The following PAQR3 variants were observed in gnomAD, a reference collection of about 807,000 sequenced individuals.
PAQR3 encodes the protein Raf kinase trapping to Golgi.
A neutral mutation model predicts 41.7 loss-of-function variants in PAQR3; 39 were observed. The ratio of observed to expected loss-of-function variants is 0.93; its 90% CI spans 0.72 to 1.22. PAQR3 has a LOEUF of 1.22. Ranked by LOEUF, PAQR3 falls within the 50% of genes most tolerant of loss-of-function variation. The pLI, the probability that PAQR3 is intolerant of heterozygous loss-of-function variation, is 0.00. For synonymous variants in PAQR3, 140 were observed against 140.6 expected, an observed-to-expected ratio of 1.00 and a Z score of 0.03; for missense variants, 366 against 385.6, an observed-to-expected ratio of 0.95 and a Z score of 0.42.
intron 11 of PAQR3, among the ~76,000 whole-genome samples, chr4:78,896,535 T>C (rs556854712): frequency 2.0e-5 from 3 of 152,174 alleles, no homozygotes; most frequent in African/African-American, 7.2e-5. Flanking sequence ...AAGAAAAATA[T>C]ATGTGAAGCA....
chr4:78,895,850 C>T (rs1733673511), intron 11 of PAQR3, among the ~76,000 whole-genome samples: 1 of 151,384 alleles, frequency 6.6e-6, no homozygotes, highest in African/African-American at 2.5e-5. Flanking sequence ...CAACCTTGAA[C>T]TCCTGAGCTC....
In PAQR3 at chr4:78,897,467, TTAAC is replaced by T. The variant is rs770063503; in HGVS notation, c.*836+8637_*836+8640del. 4.9e-4 allele frequency among the ~76,000 whole-genome samples: 75 copies of T among 152,234 alleles called. 1 individual carries two copies. Among genetic ancestry groups the T allele is most frequent in the Admixed American group, 7.9e-4 (12 of 15,284 alleles). ...TGAATTAAAAATTTATAATGAAAAA[TTAAC>T]TATATCATAAAACTTTGAATAATAT... On this transcript the variant is annotated intron_variant and NMD_transcript_variant, in intron 11 of 12. Coordinates refer to the PAQR3 transcript ENST00000342820.
At chr4:78,926,822 G>A (rs930732190) in intron 3 of PAQR3, 104 bp from the exon 4 acceptor site, 10 of 950,658 alleles carry the variant, frequency 1.1e-5, no homozygotes, top group African/African-American at 6.6e-5. Flanking sequence ...TATTTACTTG[G>A]TATTTGCATT....
downstream of PAQR3, chr4:78,887,083 T>C (rs969060974): frequency 1.1e-6 from 1 of 913,154 alleles, no homozygotes; most frequent in Admixed American, 2.6e-5. Context: ...TGCTTTAATT[T>C]TCACTTTTAT....
At chr4:78,887,534 T>C (rs1456074657) in intron 12 of PAQR3, among the ~76,000 whole-genome samples, 1 of 152,192 alleles carries the variant, frequency 6.6e-6, no homozygotes, top group Non-Finnish European at 1.5e-5. Flanking sequence ...TCATCTTTAT[T>C]ATTGGATACT....
At chr4:78,937,992 G>A (rs900397104) in intron 1 of PAQR3, among the ~76,000 whole-genome samples, 1 of 152,194 alleles carries the variant, frequency 6.6e-6, no homozygotes, top group Non-Finnish European at 1.5e-5. Flanking sequence ...AATCCTAAGG[G>A]CCATCCATTC....
chr4:78,933,243 T>C (rs575036077), intron 2 of PAQR3: 33 of 456,240 alleles, frequency 7.2e-5, no homozygotes, highest in Admixed American at 3.5e-4. Flanking sequence ...TGGATGTATA[T>C]AGGACACATT....
At chr4:78,932,667 T>C (rs567611350) in intron 2 of PAQR3, among the ~76,000 whole-genome samples, 2 of 152,082 alleles carry the variant, frequency 1.3e-5, no homozygotes, top group Admixed American at 6.5e-5. Context: ...TATCTTGTAG[T>C]AATAATTAGA....
chr4:78,931,003 T>C (rs62308010), intron 2 of PAQR3, among the ~76,000 whole-genome samples: 10,251 of 151,718 alleles, frequency 0.068, 461 homozygotes, highest in East Asian at 0.22. Flanking sequence ...ATGAGATTCA[T>C]TGTATAGAGT....
At position 78,935,169 on chromosome 4, in the gene PAQR3, C is replaced by A. The variant is rs190190715; in HGVS notation, c.300G>T (p.Ala100=). 6.2e-7 allele frequency: 1 copy of A among 1,613,632 alleles called. No individual in the cohort carries two copies. The highest frequency in any genetic ancestry group is 1.3e-5 in the African/African-American group (1 of 74,910). ...DMTSVLPSAS[A]SREDFVICSI... is the part of the protein sequence containing the mutation. ...AACAAATTACAAAATCTTCTCTGGACGCACTTGCTGAAGGTAACACAGATG... is the reference window on the plus strand; with the variant it reads ...AACAAATTACAAAATCTTCTCTGGAAGCACTTGCTGAAGGTAACACAGATG... The change falls in exon 2 of 6, where the codon GCG becomes GCT. Residue 100 remains alanine, a synonymous_variant. Coordinates refer to ENST00000512733, the MANE Select transcript of PAQR3 (RefSeq NM_001040202.2).
intron 3 of PAQR3, among the ~76,000 whole-genome samples, chr4:78,927,346 T>C (rs1244124889): frequency 6.6e-6 from 1 of 152,224 alleles, no homozygotes; most frequent in Admixed American, 6.5e-5. Flanking sequence ...TCTTTAAGAA[T>C]AGGATGACAT....
At chr4:78,907,974 CCTT>C (rs749346707), downstream of PAQR3, among the ~76,000 whole-genome samples, 3 of 152,162 alleles carry the variant, frequency 2.0e-5, no homozygotes, top group East Asian at 1.9e-4. Flanking sequence ...TTCATTTTTC[CCTT>C]CTTCCCATAT....
At chr4:78,922,908 A>C (rs2110137687) in intron 5 of PAQR3, 1 of 456,218 alleles carries the variant, frequency 2.2e-6, no homozygotes, top group South Asian at 1.6e-5. Flanking sequence ...TTCTCAAACA[A>C]GCAAATACAG....
intron 11 of PAQR3, among the ~76,000 whole-genome samples, chr4:78,894,023 C>A (rs1577967744): frequency 1.3e-5 from 2 of 152,088 alleles, no homozygotes; most frequent in African/African-American, 4.8e-5. Flanking sequence ...TGAAAGGAAT[C>A]TTCTTTTCTG....
Position 78,913,857 on chromosome 4 carries a change from C to T in PAQR3, c.*6682G>A, listed in dbSNP as rs1347077930. 6.6e-6 allele frequency: 1 copy of T among 151,364 alleles called. No individual in the cohort carries two copies. Among genetic ancestry groups the T allele is most frequent in the Non-Finnish European group, 1.5e-5 (1 of 67,932 alleles). 9.4% of individuals were successfully genotyped at this position (151,364 alleles called of 1,614,324 possible). ...TACATTATTATTTAGAGCTGGACTGCACCAATTACTTGTCCTCGTGCCAAA... is the reference window on the plus strand; with the variant it reads ...TACATTATTATTTAGAGCTGGACTGTACCAATTACTTGTCCTCGTGCCAAA... On this transcript the variant is annotated 3_prime_UTR_variant, in exon 6 of 6. Transcript: ENST00000512733.
chr4:78,911,700 T>A, downstream of PAQR3: 1 of 1,613,844 alleles, frequency 6.2e-7, no homozygotes, highest in Non-Finnish European at 8.5e-7. Flanking sequence ...CACTGACTGA[T>A]GGGAAAGATA....
rs779270327 is a variant in PAQR3, at chr4:78,913,355, C to A, written c.*7184G>T. ...ATTTGCCTTTTTTTACACCACAAAT[C>A]CTAATTAGAAACTTGAGGTTTTATA... On this transcript the variant is annotated 3_prime_UTR_variant, in exon 6 of 6. Transcript: ENST00000512733. 6.6e-6 allele frequency: 1 copy of A among 152,084 alleles called. No homozygotes were observed. Among genetic ancestry groups the A allele is most frequent in the Non-Finnish European group, 1.5e-5 (1 of 67,970 alleles). The allele number at this position is 152,084 out of a possible 1,614,324, so 9.4% of individuals were successfully genotyped here. A position where few individuals can be genotyped will look rare whatever the true frequency, so the allele number is the denominator to read the frequency against.
chr4:78,911,516 C>A (rs370087986), downstream of PAQR3: 1 of 1,613,882 alleles, frequency 6.2e-7, no homozygotes. Flanking sequence ...CAGGATATGT[C>A]CAAAAGTAAT....
At chr4:78,930,509 T>A in intron 2 of PAQR3, 184 bp from the exon 3 acceptor site, 1 of 429,246 alleles carries the variant, frequency 2.3e-6, no homozygotes, top group Non-Finnish European at 4.0e-6. Context: ...TGTAGAGCCA[T>A]GAGGGAAAGC....
Sources: gnomAD v4.1 joint callset for allele counts (sites outside exome capture counted in the v4.1 genomes callset) on GRCh38, gnomAD v4.1.1 for gene constraint, MANE v1.5 for transcripts, NCBI Gene and HGNC (gene_info 2026-07-23, HGNC 2026-07-21) for gene names.